Variants in SOX6 observed in about 807,000 individuals in gnomAD.
SOX6 encodes SRY-box transcription factor 6.
In SOX6, 11 loss-of-function variants were observed where a neutral mutation model predicts 97.8. That is an observed-to-expected ratio of 0.11 (90% CI 0.07 to 0.19). The LOEUF (loss-of-function observed/expected upper bound fraction) is 0.19, where lower values mean the gene tolerates loss of function less well. Among genes scored for constraint, SOX6 ranks in the 10% least tolerant of loss-of-function variants. The probability of loss-of-function intolerance (pLI) is 1.00; values close to 1 mark genes in which losing one functional copy is unlikely to be tolerated. For missense variants in SOX6, 810 were observed against 1,039.5 expected (o/e 0.78, Z 3.04); for synonymous variants, 360 against 371.4 (o/e 0.97, Z 0.35).
At chr11:16,568,090 A>G (rs993632094) in intron 4 of SOX6, among the ~76,000 whole-genome samples, 12 of 152,124 alleles carry the variant, frequency 7.9e-5, no homozygotes, top group Non-Finnish European at 1.5e-4. Flanking sequence ...AAAATAGTGT[A>G]AAAAATTACC....
Position 16,610,731 on chromosome 11 carries a change from G to A in SOX6, n.609+1350C>T, listed in dbSNP as rs149146439. 3.0e-4 allele frequency among the ~76,000 whole-genome samples: 45 copies of A among 152,298 alleles called. No homozygotes were observed. The highest frequency in any genetic ancestry group is 8.2e-4 in the African/African-American group (34 of 41,566). Reference sequence around the variant, plus strand: ...AAGAGTGACACGTGGCCCTGGGGGCGGGGGTGCCATCTAAGGGTTTCCTCT... The same window carrying A: ...AAGAGTGACACGTGGCCCTGGGGGCAGGGGTGCCATCTAAGGGTTTCCTCT... On this transcript the variant is annotated intron_variant and non_coding_transcript_variant, in intron 4 of 5. Transcript: ENST00000524520. The surrounding 1 kb of genome is among the most constrained non-coding windows in gnomAD (Gnocchi z 4.4).
chr11:16,286,375 A>G (rs1454161284), intron 3 of SOX6, among the ~76,000 whole-genome samples: 2 of 152,154 alleles, frequency 1.3e-5, no homozygotes, highest in African/African-American at 4.8e-5. Context: ...GTACATATCA[A>G]GAAGAAGAGG....
At chr11:15,979,066 A>AT (rs1564890454) in intron 15 of SOX6, among the ~76,000 whole-genome samples, 3 of 59,862 alleles carry the variant, frequency 5.0e-5, no homozygotes, top group Non-Finnish European at 7.6e-5. Flanking sequence ...TATATATATA[A>AT]AACTGCTTAT....
At chr11:16,434,603 T>C (rs2133079386) in intron 1 of SOX6, among the ~76,000 whole-genome samples, 1 of 152,308 alleles carries the variant, frequency 6.6e-6, no homozygotes, top group Non-Finnish European at 1.5e-5. Context: ...ATTGTTTATG[T>C]ATCTGTCTCA....
At chr11:16,657,737 G>A (rs1044647722) in intron 3 of SOX6, among the ~76,000 whole-genome samples, 1 of 152,172 alleles carries the variant, frequency 6.6e-6, no homozygotes, top group African/African-American at 2.4e-5. Context: ...AGTGACATAT[G>A]ATGTTGAGCA....
At chr11:16,704,316 TC>T (rs759301825) in intron 3 of SOX6, among the ~76,000 whole-genome samples, 18 of 152,190 alleles carry the variant, frequency 1.2e-4, no homozygotes, top group Non-Finnish European at 2.1e-4. Context: ...AGTTCCCTAT[TC>T]TCCCACTTAC....
Position 16,004,644 on chromosome 11 carries a change from T to G in SOX6, c.1732+10298A>C, listed in dbSNP as rs931037832. 4.6e-5 allele frequency among the ~76,000 whole-genome samples: 7 copies of G among 152,102 alleles called. No individual in the cohort carries two copies. In the East Asian group the frequency reaches 5.8e-4, roughly 13 times the overall value. ...ATTTGAAAAGTGCCTAATATTTCTG[T>G]GGTTTAAAGGATTAAAAACACTTTC... On this transcript the variant is annotated intron_variant, in intron 13 of 15. Transcript: ENST00000683767.
intron 3 of SOX6, among the ~76,000 whole-genome samples, chr11:16,657,719 C>T (rs529268308): frequency 2.6e-5 from 4 of 152,252 alleles, no homozygotes; most frequent in African/African-American, 9.6e-5. Context: ...TTTTAATTTG[C>T]ACTCCCTAGT....
intron 1 of SOX6, among the ~76,000 whole-genome samples, chr11:16,377,750 C>A (rs1857682513): frequency 2.6e-5 from 4 of 152,090 alleles, no homozygotes; most frequent in Admixed American, 2.6e-4. Flanking sequence ...AGAAATTCAA[C>A]AATTTCGATG....
intron 6 of SOX6, among the ~76,000 whole-genome samples, chr11:16,177,361 CA>C (rs1851220961): frequency 6.6e-6 from 1 of 151,866 alleles, no homozygotes; most frequent in East Asian, 1.9e-4. Flanking sequence ...AAGGGTTCCC[CA>C]AAATTCCATT....
intron 7 of SOX6, among the ~76,000 whole-genome samples, chr11:16,108,100 A>T (rs767890272): frequency 2.6e-5 from 4 of 152,222 alleles, no homozygotes; most frequent in Non-Finnish European, 5.9e-5. Context: ...AGTGAGGTTC[A>T]GCAAGATTAA....
At chr11:16,549,667 G>C (rs1433169085) in intron 4 of SOX6, among the ~76,000 whole-genome samples, 1 of 151,964 alleles carries the variant, frequency 6.6e-6, no homozygotes, top group Admixed American at 6.6e-5. Flanking sequence ...CTTTATTCAC[G>C]ATCACCAAAA....
At chr11:16,053,798 CA>C (rs1847745704) in intron 10 of SOX6, among the ~76,000 whole-genome samples, 1 of 152,012 alleles carries the variant, frequency 6.6e-6, no homozygotes, top group East Asian at 1.9e-4. Flanking sequence ...ATGTTATATA[CA>C]GAGAAAAAGC....
chr11:16,548,032 A>T (rs1847641026), intron 4 of SOX6, among the ~76,000 whole-genome samples: 2 of 152,198 alleles, frequency 1.3e-5, no homozygotes, highest in African/African-American at 4.8e-5. Context: ...GCATGGGGAA[A>T]AATTAAACAA....
chr11:16,241,482 C>A (rs896690234), intron 3 of SOX6, among the ~76,000 whole-genome samples: 1 of 151,986 alleles, frequency 6.6e-6, no homozygotes, highest in African/African-American at 2.4e-5. Context: ...TTTATTTTTA[C>A]TTTTTAAAAT....
At chr11:16,608,828 T>C (rs1243738574) in intron 4 of SOX6, among the ~76,000 whole-genome samples, 1 of 152,210 alleles carries the variant, frequency 6.6e-6, no homozygotes, top group Non-Finnish European at 1.5e-5. Context: ...ATTGAGTGGA[T>C]GATATATGTA....
intron 4 of SOX6, among the ~76,000 whole-genome samples, chr11:16,531,559 C>T (rs1451491546): frequency 6.6e-6 from 1 of 151,530 alleles, no homozygotes; most frequent in Non-Finnish European, 1.5e-5. Flanking sequence ...AATGAGGAAA[C>T]TTGAGGTCTA....
chr11:16,030,075 C>T (rs1483796125), intron 12 of SOX6, among the ~76,000 whole-genome samples: 3 of 152,124 alleles, frequency 2.0e-5, no homozygotes, highest in Admixed American at 2.0e-4. Flanking sequence ...TCGACTGCTT[C>T]GGGATCTGAA....
chr11:16,172,934 A>G (rs1260165401), intron 6 of SOX6, among the ~76,000 whole-genome samples: 1 of 151,906 alleles, frequency 6.6e-6, no homozygotes, highest in Non-Finnish European at 1.5e-5. Context: ...CAGACTTTAC[A>G]TAAGAGTGAG....
Sources: allele counts gnomAD v4.1 joint callset (sites outside exome capture counted in the v4.1 genomes callset), GRCh38; gene constraint gnomAD v4.1.1; non-coding constraint Gnocchi (gnomAD v3.1); transcripts MANE v1.5; gene names NCBI Gene and HGNC (gene_info 2026-07-23, HGNC 2026-07-21).